Variants in CASTOR2 observed in about 807,000 individuals in gnomAD.
The protein encoded by CASTOR2 is GATS protein like 2.
Under a neutral mutation model 31.2 loss-of-function variants are expected in CASTOR2, and 8 were observed. The observed-to-expected ratio is 0.26, with a 90% confidence interval of 0.15 to 0.46. CASTOR2 has a LOEUF of 0.46. Among genes scored for constraint, CASTOR2 ranks in the 20% least tolerant of loss-of-function variants. The probability of loss-of-function intolerance (pLI) is 0.99; values close to 1 mark genes in which losing one functional copy is unlikely to be tolerated. For synonymous variants in CASTOR2, 162 were observed against 158.7 expected (o/e 1.02, Z -0.16); for missense variants, 216 against 382.1 (o/e 0.57, Z 3.62).
At chr7:75,017,425 G>A (rs1199622453) in intron 2 of CASTOR2, among the ~76,000 whole-genome samples, 173 bp from the exon 3 acceptor site, 4 of 152,116 alleles carry the variant, frequency 2.6e-5, no homozygotes, top group South Asian at 2.1e-4. Flanking sequence ...CACTCCAGCC[G>A]GGCGACAGAG....
Position 74,971,917 on chromosome 7 carries a change from C to G in CASTOR2, c.113+6819C>G, listed in dbSNP as rs1235796491. On this transcript the variant is annotated intron_variant, in intron 1 of 8. Transcript: ENST00000616305. Reference sequence around the variant, plus strand: ...CCCATCTGCCTGGCTTACCCCAACCCCTCTGGAACCTGAACCTACTCCCAG... The same window carrying G: ...CCCATCTGCCTGGCTTACCCCAACCGCTCTGGAACCTGAACCTACTCCCAG... Among the ~76,000 whole-genome samples, 4 of 146,916 alleles carry G rather than the reference C, an allele frequency of 2.7e-5. 1 individual carries two copies. The highest frequency in any genetic ancestry group is 6.0e-5 in the Non-Finnish European group (4 of 66,740).
intron 1 of CASTOR2, among the ~76,000 whole-genome samples, chr7:74,991,571 C>T (rs1394392065): frequency 3.3e-5 from 5 of 152,140 alleles, no homozygotes; most frequent in Admixed American, 6.6e-5. Flanking sequence ...CACTCAGCAG[C>T]CCAGGCCAGG....
Position 75,028,308 on chromosome 7 carries a change from A to T in CASTOR2, c.*3609A>T, listed in dbSNP as rs1217108526. Among the ~76,000 whole-genome samples the T allele has an allele frequency of 1.6e-4, 24 of 151,904 alleles. No homozygotes were observed. Among genetic ancestry groups the T allele is most frequent in the African/African-American group, 5.6e-4 (23 of 41,418 alleles). Reference sequence around the variant, plus strand: ...GCTAATTTTTGTATTTTTGGTAGAGACGGGGTTTCACCATGTTGGCCACGC... The same window carrying T: ...GCTAATTTTTGTATTTTTGGTAGAGTCGGGGTTTCACCATGTTGGCCACGC... On this transcript the variant is annotated 3_prime_UTR_variant, in exon 9 of 9. Coordinates refer to ENST00000616305, the MANE Select transcript of CASTOR2 (RefSeq NM_001145064.3).
chr7:74,998,940 G>A (rs1357006827), intron 1 of CASTOR2, among the ~76,000 whole-genome samples: 1 of 151,828 alleles, frequency 6.6e-6, no homozygotes, highest in Non-Finnish European at 1.5e-5. Flanking sequence ...CATCACCCAC[G>A]CTGTCTGATT....
intron 1 of CASTOR2, among the ~76,000 whole-genome samples, chr7:74,994,146 G>A (rs1284051194): frequency 3.9e-5 from 6 of 152,276 alleles, no homozygotes; most frequent in Admixed American, 6.5e-5. Context: ...TCTTCTCAGA[G>A]ATGACTCAGC....
rs1283500947 is a variant in CASTOR2, at chr7:75,023,453, A to AT, written c.830-977dup. Among the ~76,000 whole-genome samples, 142 of 139,608 alleles carry AT rather than the reference A, an allele frequency of 1.0e-3. 1 individual carries two copies. The highest frequency in any genetic ancestry group is 7.8e-3 in the Middle Eastern group (2 of 258). The allele number at this position is 139,608 out of a possible 152,430, so 91.6% of individuals were successfully genotyped here. On this transcript the variant is annotated intron_variant, in intron 7 of 8. Coordinates refer to ENST00000616305, the MANE Select transcript of CASTOR2 (RefSeq NM_001145064.3). ...CCAGACAACGTCTTTGGTGGATAGC[A>AT]TTTTTTTTTTCTTTTTGTTTTTTGT...
intron 1 of CASTOR2, among the ~76,000 whole-genome samples, chr7:74,989,764 T>C (rs1271231928): frequency 2.0e-5 from 3 of 151,810 alleles, no homozygotes; most frequent in Admixed American, 6.6e-5. Context: ...AGGCAGAAAA[T>C]AGGACATAAT....
At chr7:74,985,253 C>T (rs1394351694) in intron 1 of CASTOR2, among the ~76,000 whole-genome samples, 2 of 151,990 alleles carry the variant, frequency 1.3e-5, no homozygotes, top group Admixed American at 6.6e-5. Flanking sequence ...TTCTGGTCCT[C>T]GGGGCTCCCA....
Position 75,028,107 on chromosome 7 carries a change from T to C in CASTOR2, c.*3408T>C. The C allele has an allele frequency of 1.3e-6, 2 of 1,484,858 alleles. No individual in the cohort carries two copies. The highest frequency in any genetic ancestry group is 1.8e-6 in the Non-Finnish European group (2 of 1,129,940). 92.0% of individuals were successfully genotyped at this position (1,484,858 alleles called of 1,614,324 possible). On this transcript the variant is annotated 3_prime_UTR_variant, in exon 9 of 9. Coordinates refer to ENST00000616305, the MANE Select transcript of CASTOR2 (RefSeq NM_001145064.3). ...GGCGGGGGAGGAAGAGGGCTCTCTATGATGTGGAATTTTTTTTTTTTTTTT... is the reference window on the plus strand; with the variant it reads ...GGCGGGGGAGGAAGAGGGCTCTCTACGATGTGGAATTTTTTTTTTTTTTTT...
At chr7:74,997,717 G>A (rs112372510) in intron 1 of CASTOR2, among the ~76,000 whole-genome samples, 1 of 151,688 alleles carries the variant, frequency 6.6e-6, no homozygotes, top group Non-Finnish European at 1.5e-5. Context: ...ATGAACCACT[G>A]TGCCTGACCA....
rs961048772 is a variant in CASTOR2 at position 75,024,074 on chromosome 7, G to A, written c.830-366G>A. On this transcript the variant is annotated intron_variant, in intron 7 of 8. Transcript: ENST00000616305. ...ATGTGGAGGTGGGTGGATCATTTGA[G>A]TACAGCAGTTCGATACCAGCCTGGC... Among the ~76,000 whole-genome samples, 15 of 152,198 alleles carry A rather than the reference G, an allele frequency of 9.9e-5. No homozygotes were observed. In the East Asian group the frequency reaches 2.9e-3, roughly 30 times the overall value.
intron 2 of CASTOR2, among the ~76,000 whole-genome samples, chr7:75,013,403 G>A (rs2131950232): frequency 6.6e-6 from 1 of 152,278 alleles, no homozygotes; most frequent in Middle Eastern, 3.4e-3. Context: ...CCAGCCCTTT[G>A]GGAGGCTGAG....
chr7:74,999,601 CTTTTTTTTTTTTTTTTTTTTTTT>C (rs1158456043), intron 1 of CASTOR2, among the ~76,000 whole-genome samples: 2 of 45,760 alleles, frequency 4.4e-5, no homozygotes, highest in Admixed American at 7.1e-4. Flanking sequence ...TCACTCACTG[CTTTTTTTTTTTTTTTTTTTTTTT>C]TTTTTTTTTT....
intron 2 of CASTOR2, among the ~76,000 whole-genome samples, chr7:75,013,353 G>A (rs1445481986): frequency 6.6e-6 from 1 of 152,198 alleles, no homozygotes; most frequent in Non-Finnish European, 1.5e-5. Context: ...ACGTTCTTAA[G>A]AGATTCTTGG....
chr7:75,013,628 G>A (rs1257460684), intron 2 of CASTOR2, among the ~76,000 whole-genome samples: 1 of 152,064 alleles, frequency 6.6e-6, no homozygotes, highest in Non-Finnish European at 1.5e-5. Context: ...GGGTGATAGA[G>A]CAACACCCTG....
intron 1 of CASTOR2, among the ~76,000 whole-genome samples, chr7:75,005,635 G>A (rs1211572182): frequency 1.3e-5 from 2 of 152,136 alleles, no homozygotes; most frequent in Non-Finnish European, 2.9e-5. Context: ...CTCACTTCTC[G>A]CGGATGAATA....
intron 1 of CASTOR2, 44 bp from the exon 2 acceptor site, chr7:75,007,950 C>T (rs781982703): frequency 1.2e-5 from 20 of 1,613,836 alleles, no homozygotes; most frequent in Non-Finnish European, 1.5e-5. Flanking sequence ...CCCAGGGGAC[C>T]TGCCTGGACT....
chr7:75,017,258 C>T (rs1804885641), intron 2 of CASTOR2, among the ~76,000 whole-genome samples: 1 of 152,152 alleles, frequency 6.6e-6, no homozygotes, highest in South Asian at 2.1e-4. Context: ...ACCATCCTGG[C>T]CAACATGGTG....
At chr7:74,997,211 G>A (rs1804373296) in intron 1 of CASTOR2, among the ~76,000 whole-genome samples, 1 of 151,810 alleles carries the variant, frequency 6.6e-6, no homozygotes, top group East Asian at 1.9e-4. Flanking sequence ...ATGTTACCAG[G>A]CCCTGCTAAT....
Sources: allele counts gnomAD v4.1 joint callset (sites outside exome capture counted in the v4.1 genomes callset), GRCh38; gene constraint gnomAD v4.1.1; transcripts MANE v1.5; gene names NCBI Gene and HGNC (gene_info 2026-07-23, HGNC 2026-07-21).